The following NIBAN1 variants were observed in gnomAD, a reference collection of about 807,000 sequenced individuals.
NIBAN1 encodes the protein niban apoptosis regulator 1, also known as protein Niban 1.
Under a neutral mutation model 75.1 loss-of-function variants are expected in NIBAN1, and 81 were observed. The observed-to-expected ratio is 1.08, with a 90% CI of 0.90 to 1.30. The LOEUF is 1.30. Among genes scored for constraint, NIBAN1 ranks in the 50% most tolerant of loss-of-function variants. NIBAN1 has a pLI of 0.00. For synonymous variants in NIBAN1, 436 were observed against 424.8 expected (o/e 1.03, Z -0.32); for missense variants, 1,133 against 1,128.1 (o/e 1.00, Z -0.06).
intron 5 of NIBAN1, among the ~76,000 whole-genome samples, chr1:184,876,129 C>T (rs1351272284): frequency 6.7e-6 from 1 of 150,212 alleles, no homozygotes; most frequent in African/African-American, 2.5e-5. Flanking sequence ...GCCAAGATCG[C>T]GCCATTGCAT....
In NIBAN1 at chr1:184,908,597, T is replaced by C. The variant is rs1557909970; in HGVS notation, c.56-9288A>G. Among the ~76,000 whole-genome samples the C allele has an allele frequency of 2.0e-5, 3 of 152,190 alleles. No individual in the cohort carries two copies. The South Asian group carries it at 6.2e-4, about 31-fold the overall frequency. On this transcript the variant is annotated intron_variant, in intron 1 of 13. Transcript: ENST00000367511. ...CTTTTTTAGGAGAGGAAACCAATAG[T>C]ATTGTTAGAAAAAATATATATGCCC... is the stretch of plus-strand genomic sequence containing the variant.
chr1:184,971,218 A>C (rs1476126929), intron 1 of NIBAN1, among the ~76,000 whole-genome samples: 3 of 151,954 alleles, frequency 2.0e-5, no homozygotes, highest in African/African-American at 7.3e-5. Flanking sequence ...GGGGAGGTCA[A>C]GGCTCACAGT....
At chr1:184,911,714 G>T (rs558661695) in intron 1 of NIBAN1, among the ~76,000 whole-genome samples, 1 of 152,266 alleles carries the variant, frequency 6.6e-6, no homozygotes, top group African/African-American at 2.4e-5. Flanking sequence ...CTTTAACAAA[G>T]CTTCTCTGGA....
intron 13 of NIBAN1, among the ~76,000 whole-genome samples, chr1:184,797,472 T>C (rs1354505998): frequency 1.3e-5 from 2 of 152,070 alleles, no homozygotes; most frequent in Admixed American, 1.3e-4. Flanking sequence ...AAAGTTTTCC[T>C]ATCCACAATC....
chr1:184,813,966 T>C (rs1248604884), intron 9 of NIBAN1, among the ~76,000 whole-genome samples: 2 of 152,220 alleles, frequency 1.3e-5, no homozygotes, highest in African/African-American at 4.8e-5. Context: ...TAATATGTAA[T>C]TGAGCCTACT....
chr1:184,823,958 T>C (rs574380463), intron 6 of NIBAN1, among the ~76,000 whole-genome samples: 1 of 152,334 alleles, frequency 6.6e-6, no homozygotes, highest in South Asian at 2.1e-4. Flanking sequence ...AACAGTAACA[T>C]CTGCTGATAT....
At chr1:184,863,285 T>A (rs1416959805) in intron 5 of NIBAN1, among the ~76,000 whole-genome samples, 2 of 152,160 alleles carry the variant, frequency 1.3e-5, no homozygotes, top group East Asian at 3.9e-4. Flanking sequence ...GAAAGATAAG[T>A]TTATTTTTGT....
At chr1:184,967,715 CA>C (rs1350903455) in intron 1 of NIBAN1, among the ~76,000 whole-genome samples, 1 of 152,198 alleles carries the variant, frequency 6.6e-6, no homozygotes, top group Non-Finnish European at 1.5e-5. Context: ...GGCCCTCTTA[CA>C]GCCAACGTCC....
Position 184,884,618 on chromosome 1 carries a change from G to C in NIBAN1, c.601+15C>G. ...CACTTCCCGCCCCGGGGATGAGAGG[G>C]GAGCCGCGCCATACCATGATTGAGA... On this transcript the variant is annotated intron_variant, in intron 5 of 13. Coordinates refer to ENST00000367511, the MANE Select transcript of NIBAN1 (RefSeq NM_052966.4). 1.2e-6 allele frequency: 2 copies of C among 1,613,140 alleles called. No individual in the cohort carries two copies. The highest frequency in any genetic ancestry group is 1.7e-6 in the Non-Finnish European group (2 of 1,179,314).
intron 1 of NIBAN1, among the ~76,000 whole-genome samples, chr1:184,935,470 T>C (rs1051381912): frequency 6.6e-6 from 1 of 152,170 alleles, no homozygotes; most frequent in Non-Finnish European, 1.5e-5. Context: ...ATTGTGCCAC[T>C]GCCCTCCAGC....
chr1:184,958,363 G>GACACACACACAC (rs1658541748), intron 1 of NIBAN1, among the ~76,000 whole-genome samples: 2 of 82,422 alleles, frequency 2.4e-5, no homozygotes, highest in African/African-American at 6.5e-5. Context: ...TGACAGAGGA[G>GACACACACACAC]TCACACACAC....
At chr1:184,893,629 C>T (rs1229234246) in intron 3 of NIBAN1, among the ~76,000 whole-genome samples, 1 of 152,148 alleles carries the variant, frequency 6.6e-6, no homozygotes, top group Non-Finnish European at 1.5e-5. Flanking sequence ...ACTCCTGAGC[C>T]ACCTGTCATG....
intron 9 of NIBAN1, among the ~76,000 whole-genome samples, chr1:184,811,241 A>G (rs1654367397): frequency 6.6e-6 from 1 of 152,136 alleles, no homozygotes; most frequent in African/African-American, 2.4e-5. Context: ...ATTCACAGGG[A>G]TTTCTGTGTT....
At chr1:184,830,261 T>A (rs1015417167) in intron 6 of NIBAN1, among the ~76,000 whole-genome samples, 4 of 152,238 alleles carry the variant, frequency 2.6e-5, no homozygotes, top group African/African-American at 9.6e-5. Context: ...TGACTACTCA[T>A]CTATCTATTA....
At chr1:184,961,099 T>C (rs1296818841) in intron 1 of NIBAN1, among the ~76,000 whole-genome samples, 4 of 134,064 alleles carry the variant, frequency 3.0e-5, no homozygotes, top group Admixed American at 1.5e-4. Flanking sequence ...GACGGAGTCT[T>C]GCTCTGTCGC....
chr1:184,912,235 A>G (rs781562147), intron 1 of NIBAN1, among the ~76,000 whole-genome samples: 23 of 152,178 alleles, frequency 1.5e-4, no homozygotes, highest in Admixed American at 3.3e-4. Context: ...TAATTCTAAC[A>G]TATAGTACAA....
rs1041689920 is a variant in NIBAN1 at position 184,805,821 on chromosome 1, C to T, written c.1446+125G>A. 1.7e-4 allele frequency: 120 copies of T among 722,170 alleles called. No individual in the cohort carries two copies. In the African/African-American group the frequency reaches 1.8e-3, roughly 11 times the overall value. 44.7% of individuals were successfully genotyped at this position (722,170 alleles called of 1,614,324 possible). On this transcript the variant is annotated intron_variant, in intron 11 of 13. Transcript: ENST00000367511. The stretch of plus-strand genomic sequence containing the variant: ...CTGCAGCGGACTGACAGTCACTGGA[C>T]TTGGGAGAGAAAGGAGTGGGGAAAG...
intron 5 of NIBAN1, among the ~76,000 whole-genome samples, chr1:184,832,806 G>T (rs558007166): frequency 1.6e-3 from 251 of 152,276 alleles, no homozygotes; most frequent in African/African-American, 5.8e-3. Flanking sequence ...TGTATAGAGG[G>T]AGCTGGGCTG....
At position 184,795,847 on chromosome 1, in the gene NIBAN1, G is replaced by A. The variant is rs1367795158; in HGVS notation, c.1917C>T (p.Ser639=). Residue 639 remains serine, a synonymous_variant, in exon 14 of 14, where the codon AGC becomes AGT. Transcript: ENST00000367511. ...GTGGGCTTGGCCCAGGGAGAGAAAGGCTTTCTCCTTTGGCCAACGAGCTAG... is the reference window on the plus strand; with the variant it reads ...GTGGGCTTGGCCCAGGGAGAGAAAGACTTTCTCCTTTGGCCAACGAGCTAG... ...EVPSSLAKGE[S]LSLPGPSPPP... The A allele has an allele frequency of 6.2e-7, 1 of 1,610,572 alleles. No homozygotes were observed. Among genetic ancestry groups the A allele is most frequent in the Non-Finnish European group, 8.5e-7 (1 of 1,177,980 alleles).
Sources: gnomAD v4.1 joint callset for allele counts (sites outside exome capture counted in the v4.1 genomes callset) on GRCh38, gnomAD v4.1.1 for gene constraint, MANE v1.5 for transcripts, NCBI Gene and HGNC (gene_info 2026-07-23, HGNC 2026-07-21) for gene names.